Variants in NCK1 observed in about 807,000 individuals in gnomAD.
NCK1 encodes SH2/SH3 adapter protein NCK1.
A neutral mutation model predicts 36.6 loss-of-function variants in NCK1; 19 were observed. The ratio of observed to expected loss-of-function variants is 0.52; its 90% confidence interval spans 0.36 to 0.76. NCK1 has a LOEUF of 0.76. NCK1 is among the 30% of genes least tolerant of loss of function. The pLI, the probability that NCK1 is intolerant of heterozygous loss-of-function variation, is 0.00. For synonymous variants in NCK1, 165 were observed against 156.0 expected (o/e 1.06, Z -0.43); for missense variants, 358 against 445.6 (o/e 0.80, Z 1.77).
At chr3:136,897,708 T>C (rs1939426523) in intron 1 of NCK1, among the ~76,000 whole-genome samples, 1 of 152,172 alleles carries the variant, frequency 6.6e-6, no homozygotes, top group African/African-American at 2.4e-5. Context: ...AATGCTCACT[T>C]TAATCACAGT....
intron 1 of NCK1, among the ~76,000 whole-genome samples, chr3:136,868,772 G>C (rs1455806492): frequency 6.6e-6 from 1 of 152,184 alleles, no homozygotes; most frequent in Non-Finnish European, 1.5e-5. Context: ...ACAATGTAAT[G>C]ATTTAGAGGA....
chr3:136,914,588 CAAAG>C (rs775783469), intron 1 of NCK1, among the ~76,000 whole-genome samples: 8 of 152,184 alleles, frequency 5.3e-5, no homozygotes, highest in Non-Finnish European at 1.0e-4. Context: ...CATTATAACT[CAAAG>C]AAAATCCATT....
chr3:136,945,852 A>G lies in NCK1; in HGVS notation c.496A>G (p.Ser166Gly), dbSNP rs768735016. The G allele has an allele frequency of 2.1e-5, 34 of 1,614,078 alleles. No individual in the cohort carries two copies. The highest frequency in any genetic ancestry group is 6.7e-5 in the Admixed American group (4 of 59,996). Residue 166 changes from serine (S) to glycine (G), a missense_variant, in exon 3 of 4, where the codon AGT (serine) becomes GGT (glycine). Transcript: ENST00000481752. ...PSNYVTEEGD[S>G]PLGDHVGSLS... ...AAACTATGTAACTGAAGAAGGTGAC[A>G]GTCCTTTGGGTGACCATGTGGGTTC...
intron 1 of NCK1, among the ~76,000 whole-genome samples, chr3:136,922,256 T>C (rs1398911951): frequency 6.6e-6 from 1 of 152,198 alleles, no homozygotes; most frequent in African/African-American, 2.4e-5. Context: ...GGAACAAAAG[T>C]GAAAGTTATC....
intron 1 of NCK1, among the ~76,000 whole-genome samples, chr3:136,880,848 G>A (rs1285579901): frequency 1.3e-5 from 2 of 152,004 alleles, no homozygotes; most frequent in Non-Finnish European, 2.9e-5. Context: ...GTCTCAAGCA[G>A]TCCTTCCACC....
chr3:136,884,209 G>A (rs1939016258), intron 1 of NCK1, among the ~76,000 whole-genome samples: 1 of 152,148 alleles, frequency 6.6e-6, no homozygotes, highest in Non-Finnish European at 1.5e-5. Context: ...GAAGCAGGTG[G>A]CGTGGAGGGA....
intron 1 of NCK1, among the ~76,000 whole-genome samples, chr3:136,897,168 A>T (rs1417262112): frequency 6.6e-6 from 1 of 152,094 alleles, no homozygotes; most frequent in African/African-American, 2.4e-5. Context: ...AGCTCACTGC[A>T]ACCTCTGCCT....
intron 2 of NCK1, among the ~76,000 whole-genome samples, chr3:136,935,851 T>C (rs1213738588): frequency 6.6e-6 from 1 of 152,106 alleles, no homozygotes; most frequent in Non-Finnish European, 1.5e-5. Flanking sequence ...TCACTCTCAA[T>C]CAGTCCCTGG....
At position 136,949,482 on chromosome 3, in the gene NCK1, G is replaced by A. The variant is rs993946294; in HGVS notation, c.*1029G>A. 1 of 151,908 alleles carries A rather than the reference G, an allele frequency of 6.6e-6. No homozygotes were observed. Among genetic ancestry groups the A allele is most frequent in the African/African-American group, 2.4e-5 (1 of 41,392 alleles). 9.4% of individuals were successfully genotyped at this position (151,908 alleles called of 1,614,324 possible). Reference sequence around the variant, plus strand: ...TGAGGAAAAAATAGAATGTGCTCATGGTTAGGGAAAATTATATTATTTTTA... The same window carrying A: ...TGAGGAAAAAATAGAATGTGCTCATAGTTAGGGAAAATTATATTATTTTTA... On this transcript the variant is annotated 3_prime_UTR_variant, in exon 4 of 4. Transcript: ENST00000481752.
chr3:136,874,202 G>A (rs1938703494), intron 1 of NCK1, among the ~76,000 whole-genome samples: 1 of 152,072 alleles, frequency 6.6e-6, no homozygotes, highest in Admixed American at 6.6e-5. Flanking sequence ...TTGAGATAGA[G>A]TCTTGCTCTG....
At chr3:136,932,736 C>G (rs950463356) in intron 2 of NCK1, among the ~76,000 whole-genome samples, 13 of 152,154 alleles carry the variant, frequency 8.5e-5, no homozygotes, top group African/African-American at 3.1e-4. Flanking sequence ...GTCTTACATC[C>G]TGGTAAACAA....
chr3:136,923,544 TGCG>T (rs1249008047), intron 1 of NCK1, among the ~76,000 whole-genome samples: 1 of 144,678 alleles, frequency 6.9e-6, no homozygotes, highest in African/African-American at 2.8e-5. Flanking sequence ...GACAGTGCAG[TGCG>T]AGACTCCGTC....
chr3:136,904,675 G>A (rs917976426), intron 1 of NCK1, among the ~76,000 whole-genome samples: 4 of 152,172 alleles, frequency 2.6e-5, no homozygotes, highest in African/African-American at 9.7e-5. Context: ...TGAACTTGGT[G>A]TATCTGATGT....
At chr3:136,922,048 G>T (rs1276266606) in intron 1 of NCK1, among the ~76,000 whole-genome samples, 4 of 152,206 alleles carry the variant, frequency 2.6e-5, no homozygotes, top group African/African-American at 9.7e-5. Context: ...CTCCCAAAGT[G>T]CTGGGATTAC....
intron 1 of NCK1, among the ~76,000 whole-genome samples, chr3:136,891,698 G>C (rs1939249559): frequency 6.6e-6 from 1 of 152,108 alleles, no homozygotes; most frequent in Non-Finnish European, 1.5e-5. Context: ...ACCAACACTT[G>C]TTATTTTCTG....
At chr3:136,921,544 C>T (rs2108122477) in intron 1 of NCK1, among the ~76,000 whole-genome samples, 1 of 152,228 alleles carries the variant, frequency 6.6e-6, no homozygotes, top group African/African-American at 2.4e-5. Context: ...TTTGGATATT[C>T]TATGCATGTC....
rs929783326 is a variant in NCK1 at position 136,951,186 on chromosome 3, A to G, written c.*2733A>G. 6.6e-6 allele frequency among the ~76,000 whole-genome samples: 1 copy of G among 152,208 alleles called. No individual in the cohort carries two copies. Among genetic ancestry groups the G allele is most frequent in the Admixed American group, 6.5e-5 (1 of 15,280 alleles). On this transcript the variant is annotated 3_prime_UTR_variant, in exon 4 of 4. Coordinates refer to ENST00000481752, the MANE Select transcript of NCK1 (RefSeq NM_001291999.2). ...GGCACTTAAATTATCTCCAGCTGTAATGTCCTACCATATAATCCAGAGGTT... is the reference window on the plus strand; with the variant it reads ...GGCACTTAAATTATCTCCAGCTGTAGTGTCCTACCATATAATCCAGAGGTT...
chr3:136,903,105 C>T (rs1479380246), intron 1 of NCK1, among the ~76,000 whole-genome samples: 1 of 152,130 alleles, frequency 6.6e-6, no homozygotes, highest in Non-Finnish European at 1.5e-5. Context: ...TCTAATAATA[C>T]TTGCTTTATA....
intron 1 of NCK1, among the ~76,000 whole-genome samples, chr3:136,865,659 AT>A (rs1357906297): frequency 6.6e-6 from 1 of 152,228 alleles, no homozygotes; most frequent in African/African-American, 2.4e-5. Context: ...TGATTATTTC[AT>A]TAATAAGTAA....
Sources: gnomAD v4.1 joint callset for allele counts (sites outside exome capture counted in the v4.1 genomes callset) on GRCh38, gnomAD v4.1.1 for gene constraint, MANE v1.5 for transcripts, NCBI Gene and HGNC (gene_info 2026-07-23, HGNC 2026-07-21) for gene names.